The following ERC2 variants were observed in gnomAD, a reference collection of about 807,000 sequenced individuals.
ERC2 encodes the protein ELKS/RAB6-interacting/CAST family member 2, also known as ERC protein 2.
A neutral mutation model predicts 114.8 loss-of-function variants in ERC2; 42 were observed. The ratio of observed to expected loss-of-function variants is 0.37; its 90% CI spans 0.29 to 0.47. ERC2 has a LOEUF of 0.47. Among genes scored for constraint, ERC2 ranks in the 20% least tolerant of loss-of-function variants. The pLI is 0.99. For missense variants in ERC2, 939 were observed against 1,150.7 expected, an observed-to-expected ratio of 0.82 and a Z score of 2.66; for synonymous variants, 454 against 425.5, an observed-to-expected ratio of 1.07 and a Z score of -0.82.
At chr3:55,835,323 C>A (rs144794806) in intron 14 of ERC2, among the ~76,000 whole-genome samples, 24,729 of 152,142 alleles carry the variant, frequency 0.16, 2,238 homozygotes, top group East Asian at 0.22. Flanking sequence ...AGACCAATAT[C>A]CTTGATGAAC....
chr3:56,217,076 T>G (rs1001152655), intron 3 of ERC2, among the ~76,000 whole-genome samples: 7 of 152,160 alleles, frequency 4.6e-5, no homozygotes, highest in South Asian at 2.1e-4. Context: ...CTTTTAAAAC[T>G]GGCACAAGAC....
intron 6 of ERC2, among the ~76,000 whole-genome samples, chr3:56,084,463 T>G (rs549818196): frequency 6.6e-6 from 1 of 152,300 alleles, no homozygotes; most frequent in East Asian, 1.9e-4. Context: ...CCTATGTGCC[T>G]GTCAAAGAAT....
At chr3:55,735,389 G>A (rs566381634) in intron 14 of ERC2, among the ~76,000 whole-genome samples, 1 of 152,318 alleles carries the variant, frequency 6.6e-6, no homozygotes, top group African/African-American at 2.4e-5. Flanking sequence ...TCCAGCAAGG[G>A]CTTTTGTACT....
chr3:56,339,500 G>A (rs1044023314), intron 2 of ERC2, among the ~76,000 whole-genome samples: 5 of 152,136 alleles, frequency 3.3e-5, no homozygotes, highest in Non-Finnish European at 7.3e-5. Context: ...TCATAAAGGA[G>A]CTGAGAGGCA....
At chr3:56,214,094 C>A (rs375169150) in intron 3 of ERC2, among the ~76,000 whole-genome samples, 4 of 152,172 alleles carry the variant, frequency 2.6e-5, no homozygotes, top group Non-Finnish European at 4.4e-5. Flanking sequence ...AAACTCAGAG[C>A]GCCTCTCCTC....
At chr3:55,580,702 C>G (rs2057219117) in intron 17 of ERC2, among the ~76,000 whole-genome samples, 1 of 152,062 alleles carries the variant, frequency 6.6e-6, no homozygotes, top group Non-Finnish European at 1.5e-5. Flanking sequence ...TTTTCAAACC[C>G]ATCTGGGAAC....
intron 17 of ERC2, among the ~76,000 whole-genome samples, chr3:55,651,014 ATTTT>A (rs71096493): frequency 6.2e-5 from 6 of 96,316 alleles, no homozygotes; most frequent in African/African-American, 2.5e-4. Context: ...CACCCAGCTA[ATTTT>A]TTTTTTTTTT....
At chr3:55,916,863 G>C (rs2065125227) in intron 13 of ERC2, among the ~76,000 whole-genome samples, 1 of 152,162 alleles carries the variant, frequency 6.6e-6, no homozygotes, top group East Asian at 1.9e-4. Flanking sequence ...TCTGTTCCTA[G>C]TACCTGGAAT....
chr3:55,642,986 T>G (rs1444686714), intron 17 of ERC2, among the ~76,000 whole-genome samples: 1 of 152,194 alleles, frequency 6.6e-6, no homozygotes, highest in Non-Finnish European at 1.5e-5. Flanking sequence ...GTTTTATATT[T>G]TCATGGGCAA....
intron 4 of ERC2, among the ~76,000 whole-genome samples, chr3:56,152,419 G>C (rs895835222): frequency 4.5e-4 from 3 of 6,638 alleles, no homozygotes; most frequent in African/African-American, 6.6e-4. Context: ...TAAAATGAAG[G>C]GGGGGGGGCG....
rs537680768 is a variant in ERC2 at position 56,271,150 on chromosome 3, T to C, written c.1074+24869A>G. On this transcript the variant is annotated intron_variant, in intron 3 of 17. Coordinates refer to ENST00000288221, the MANE Select transcript of ERC2 (RefSeq NM_015576.3). ...TGAAGCAACCCAGTGGTTCCCACTTTATCCATTCTTTGTCTCTGTCAGGGC... is the reference window on the plus strand; with the variant it reads ...TGAAGCAACCCAGTGGTTCCCACTTCATCCATTCTTTGTCTCTGTCAGGGC... Among the ~76,000 whole-genome samples the C allele has an allele frequency of 3.9e-5, 6 of 152,352 alleles. No individual in the cohort carries two copies. The East Asian group carries it at 1.2e-3, about 29-fold the overall frequency.
chr3:56,093,663 CATT>C (rs555004920), intron 6 of ERC2, among the ~76,000 whole-genome samples: 248 of 152,152 alleles, frequency 1.6e-3, no homozygotes, highest in Non-Finnish European at 2.5e-3. Flanking sequence ...TTAACTTTGA[CATT>C]GTATTTTCAT....
chr3:56,317,292 T>C (rs1423842990), intron 2 of ERC2, among the ~76,000 whole-genome samples: 5 of 152,116 alleles, frequency 3.3e-5, no homozygotes, highest in Admixed American at 3.3e-4. Flanking sequence ...CATATATATA[T>C]ACATACTTTT....
intron 2 of ERC2, among the ~76,000 whole-genome samples, chr3:56,392,604 G>T (rs1280713185): frequency 6.6e-6 from 1 of 152,132 alleles, no homozygotes; most frequent in Non-Finnish European, 1.5e-5. Flanking sequence ...CCAGCAAAAT[G>T]TCCTCTTCCA....
chr3:55,526,516 C>T (rs951954919), intron 17 of ERC2, among the ~76,000 whole-genome samples: 6 of 152,164 alleles, frequency 3.9e-5, no homozygotes, highest in Non-Finnish European at 8.8e-5. Context: ...CAAAGGCCCG[C>T]GTCGTGGCTC....
chr3:56,423,915 AC>A (rs1364993378), intron 2 of ERC2, among the ~76,000 whole-genome samples: 1 of 152,214 alleles, frequency 6.6e-6, no homozygotes, highest in African/African-American at 2.4e-5. Context: ...CCAAATGCCA[AC>A]TGGGGGTGGT....
chr3:56,120,394 A>G (rs1044290039), intron 6 of ERC2, among the ~76,000 whole-genome samples: 2 of 152,220 alleles, frequency 1.3e-5, no homozygotes, highest in Admixed American at 1.3e-4. Flanking sequence ...GAGGACTATG[A>G]GCTAAGTAGA....
chr3:56,436,103 T>C (rs1201938199), intron 1 of ERC2, among the ~76,000 whole-genome samples: 2 of 152,230 alleles, frequency 1.3e-5, no homozygotes, highest in African/African-American at 2.4e-5. Flanking sequence ...GGGCACATTA[T>C]GGCCTCCTGT....
At chr3:56,162,334 G>T (rs1011608883) in intron 4 of ERC2, among the ~76,000 whole-genome samples, 1 of 152,072 alleles carries the variant, frequency 6.6e-6, no homozygotes, top group African/African-American at 2.4e-5. Flanking sequence ...ATACTGCCCT[G>T]TAGTTTTCTT....
Sources: gnomAD v4.1 joint callset for allele counts (sites outside exome capture counted in the v4.1 genomes callset) on GRCh38, gnomAD v4.1.1 for gene constraint, MANE v1.5 for transcripts, NCBI Gene and HGNC (gene_info 2026-07-23, HGNC 2026-07-21) for gene names.